Variants in TMED7 observed in about 807,000 individuals in gnomAD.
The protein encoded by TMED7 is transmembrane p24 trafficking protein 7.
A neutral mutation model predicts 23.4 loss-of-function variants in TMED7; 8 were observed. That is an observed-to-expected ratio of 0.34 (90% CI 0.20 to 0.62). The LOEUF is 0.62. Ranked by LOEUF, TMED7 falls within the 20% of genes least tolerant of loss-of-function variation. The pLI, the probability that TMED7 is intolerant of heterozygous loss-of-function variation, is 0.77. For synonymous variants in TMED7, 121 were observed against 108.5 expected (o/e 1.12, Z -0.72); for missense variants, 232 against 279.1 (o/e 0.83, Z 1.20).
In TMED7 at chr5:115,616,448, G is replaced by C; in HGVS notation, c.439-3C>G. ...ATTGAAACACAGGCAGATTCCATCTGCAGAGAAATATTTTCAGTCAGTATG... is the reference window on the plus strand; with the variant it reads ...ATTGAAACACAGGCAGATTCCATCTCCAGAGAAATATTTTCAGTCAGTATG... On this transcript the variant is annotated splice_region_variant and splice_polypyrimidine_tract_variant and intron_variant, in intron 2 of 2. Coordinates refer to ENST00000456936, the MANE Select transcript of TMED7 (RefSeq NM_181836.6). 6.2e-7 allele frequency: 1 copy of C among 1,614,120 alleles called. No individual in the cohort carries two copies. The highest frequency in any genetic ancestry group is 8.5e-7 in the Non-Finnish European group (1 of 1,179,978).
At chr5:115,618,823 T>C (rs1580454040) in intron 2 of TMED7, among the ~76,000 whole-genome samples, 1 of 152,252 alleles carries the variant, frequency 6.6e-6, no homozygotes, top group South Asian at 2.1e-4. Flanking sequence ...CTGCTGATCA[T>C]TGCCTACTCT....
Position 115,615,470 on chromosome 5 carries a change from C to T in TMED7, c.*739G>A, listed in dbSNP as rs918724939. 1.3e-5 allele frequency: 2 copies of T among 152,248 alleles called. No homozygotes were observed. Among genetic ancestry groups the T allele is most frequent in the Non-Finnish European group, 2.9e-5 (2 of 67,980 alleles). The allele number at this position is 152,248 out of a possible 1,614,324, so 9.4% of individuals were successfully genotyped here. ...TAACTCACTAAAAATTTTCCTATTT[C>T]ATTTGCCCCCATTGTAGTGTCTTAA... On this transcript the variant is annotated 3_prime_UTR_variant, in exon 3 of 3. Transcript: ENST00000456936.
At position 115,616,146 on chromosome 5, in the gene TMED7, C is replaced by G. The variant is rs890574113; in HGVS notation, c.*63G>C. 25 of 1,510,568 alleles carry G rather than the reference C, an allele frequency of 1.7e-5. No homozygotes were observed. Among genetic ancestry groups the G allele is most frequent in the Non-Finnish European group, 2.1e-5 (23 of 1,092,074 alleles). The allele number at this position is 1,510,568 out of a possible 1,614,324, so 93.6% of individuals were successfully genotyped here. A position where few individuals can be genotyped will look rare whatever the true frequency, so the allele number is the denominator to read the frequency against. On this transcript the variant is annotated 3_prime_UTR_variant, in exon 3 of 3. Coordinates refer to ENST00000456936, the MANE Select transcript of TMED7 (RefSeq NM_181836.6). ...TTGCCAATATTAAGTTCTTCAGTAC[C>G]TAAAATTAATTAGAGGACAGCAATA... is the stretch of plus-strand genomic sequence containing the variant.
At chr5:115,622,138 A>G (rs979431360) in intron 1 of TMED7, among the ~76,000 whole-genome samples, 1 of 152,192 alleles carries the variant, frequency 6.6e-6, no homozygotes, top group Admixed American at 6.5e-5. Flanking sequence ...TCATTTTGCT[A>G]TACTGAATTA....
intron 2 of TMED7, among the ~76,000 whole-genome samples, chr5:115,617,302 A>C (rs1190927764): frequency 2.6e-5 from 4 of 152,216 alleles, no homozygotes; most frequent in Non-Finnish European, 5.9e-5. Context: ...AAGAGTTTTA[A>C]AAACAAATCT....
chr5:115,616,570 C>T lies in TMED7; in HGVS notation c.439-125G>A. The T allele has an allele frequency of 2.9e-6, 4 of 1,364,246 alleles. No homozygotes were observed. The South Asian group carries it at 5.5e-5, about 19-fold the overall frequency. 84.5% of individuals were successfully genotyped at this position (1,364,246 alleles called of 1,614,324 possible). A position where few individuals can be genotyped will look rare whatever the true frequency, so the allele number is the denominator to read the frequency against. ...ACTAACATGCTACTAATCTGGCATT[C>T]ATTCATACATTTATGCCAGTTGTCT... On this transcript the variant is annotated intron_variant, in intron 2 of 2. Coordinates refer to ENST00000456936, the MANE Select transcript of TMED7 (RefSeq NM_181836.6).
In TMED7 at chr5:115,625,769, C is replaced by T. The variant is rs1043113672; in HGVS notation, c.24G>A (p.Gln8=). The T allele has an allele frequency of 6.8e-7, 1 of 1,479,898 alleles. No homozygotes were observed. Among genetic ancestry groups the T allele is most frequent in the African/African-American group, 1.5e-5 (1 of 68,026 alleles). 91.7% of individuals were successfully genotyped at this position (1,479,898 alleles called of 1,614,324 possible). A position where few individuals can be genotyped will look rare whatever the true frequency, so the allele number is the denominator to read the frequency against. The change falls in exon 1 of 3, where the codon CAG becomes CAA. Residue 8 remains glutamine (Q), a synonymous_variant. Transcript: ENST00000456936. MPRPGSA[Q]RWAAVAGRWG... Reference sequence around the variant, plus strand: ...AACGGCCCGCGACGGCCGCCCAGCGCTGCGCGGACCCCGGCCGCGGCATCC... The same window carrying T: ...AACGGCCCGCGACGGCCGCCCAGCGTTGCGCGGACCCCGGCCGCGGCATCC...
Position 115,620,650 on chromosome 5 carries a change from A to C in TMED7, c.223T>G (p.Cys75Gly). ...VITGGHYDVD[C>G]RLEDPDGKVL... ...TTACCATCAGGATCTTCTAATCGAC[A>C]ATCTACATCATAGTGACCACCAGTA... Residue 75 changes from cysteine (C) to glycine (G), a missense_variant, in exon 2 of 3, where the codon TGT becomes GGT. Around this residue, in one of 2 missense-constraint regions of TMED7, gnomAD observed 126 missense variants for 182.1 expected, o/e 0.69. Coordinates refer to ENST00000456936, the MANE Select transcript of TMED7 (RefSeq NM_181836.6). 1.9e-6 allele frequency: 3 copies of C among 1,564,734 alleles called. No individual in the cohort carries two copies. The highest frequency in any genetic ancestry group is 2.4e-5 in the South Asian group (2 of 82,742).
Position 115,620,420 on chromosome 5 carries a change from GA to G in TMED7, c.438+14del, listed in dbSNP as rs990012225. ...TTAAATATACCAACATTATATTGCT[GA>G]TTTTTTTATTTACCTGGGTAAGAGC... On this transcript the variant is annotated intron_variant, in intron 2 of 2. Coordinates refer to ENST00000456936, the MANE Select transcript of TMED7 (RefSeq NM_181836.6). 1.4e-6 allele frequency: 2 copies of G among 1,476,448 alleles called. No homozygotes were observed. The highest frequency in any genetic ancestry group is 2.9e-5 in the African/African-American group (2 of 69,530). 91.5% of individuals were successfully genotyped at this position (1,476,448 alleles called of 1,614,324 possible). A position where few individuals can be genotyped will look rare whatever the true frequency, so the allele number is the denominator to read the frequency against.
chr5:115,618,714 T>A (rs1285078486), intron 2 of TMED7, among the ~76,000 whole-genome samples: 1 of 152,156 alleles, frequency 6.6e-6, no homozygotes, highest in African/African-American at 2.4e-5. Flanking sequence ...ATAAGGCACA[T>A]AATGTCTAGT....
intron 2 of TMED7, among the ~76,000 whole-genome samples, chr5:115,617,632 T>C (rs1431290699): frequency 6.6e-6 from 1 of 152,216 alleles, no homozygotes; most frequent in East Asian, 1.9e-4. Flanking sequence ...AAATGGCATA[T>C]TGCCCAAGGA....
At chr5:115,622,241 A>C (rs1392163313) in intron 1 of TMED7, among the ~76,000 whole-genome samples, 7 of 152,176 alleles carry the variant, frequency 4.6e-5, no homozygotes, top group African/African-American at 1.7e-4. Context: ...CTCTTCCATC[A>C]AACTTAAAAC....
At chr5:115,625,429 T>G (rs1757166275) in intron 1 of TMED7, among the ~76,000 whole-genome samples, 172 bp downstream of exon 1, 1 of 152,230 alleles carries the variant, frequency 6.6e-6, no homozygotes, top group African/African-American at 2.4e-5. Context: ...TTAACATCTC[T>G]CACCCAAGGT....
rs1757196959 is a variant in TMED7, at chr5:115,625,836, G to A, written c.-44C>T. On this transcript the variant is annotated 5_prime_UTR_variant, in exon 1 of 3. Coordinates refer to ENST00000456936, the MANE Select transcript of TMED7 (RefSeq NM_181836.6). Reference sequence around the variant, plus strand: ...GCCTCAACCGAGCTGCGAGACGCAGGGTCAGGTCTGCGCGGACTCACCGCG... The same window carrying A: ...GCCTCAACCGAGCTGCGAGACGCAGAGTCAGGTCTGCGCGGACTCACCGCG... 3 of 1,374,448 alleles carry A rather than the reference G, an allele frequency of 2.2e-6. No individual in the cohort carries two copies. The highest frequency in any genetic ancestry group is 1.9e-6 in the Non-Finnish European group (2 of 1,071,954). 85.1% of individuals were successfully genotyped at this position (1,374,448 alleles called of 1,614,324 possible). A position where few individuals can be genotyped will look rare whatever the true frequency, so the allele number is the denominator to read the frequency against.
intron 1 of TMED7, among the ~76,000 whole-genome samples, chr5:115,624,889 T>G (rs1189045882): frequency 6.6e-6 from 1 of 152,226 alleles, no homozygotes; most frequent in Non-Finnish European, 1.5e-5. Context: ...GAGAGGGGAA[T>G]CATGAATGAT....
At position 115,621,410 on chromosome 5, in the gene TMED7, GATTA is replaced by G. The variant is rs201748938; in HGVS notation, c.193-734_193-731del. 3.0e-4 allele frequency among the ~76,000 whole-genome samples: 45 copies of G among 152,210 alleles called. No individual in the cohort carries two copies. In the East Asian group the frequency reaches 7.5e-3, roughly 25 times the overall value. On this transcript the variant is annotated intron_variant, in intron 1 of 2. Coordinates refer to ENST00000456936, the MANE Select transcript of TMED7 (RefSeq NM_181836.6). ...TTGTTTTGAGGAGAGACACGTAACT[GATTA>G]AATAAAATATTGTTGAAACTCTTGT...
At chr5:115,622,556 A>G (rs909987696) in intron 1 of TMED7, among the ~76,000 whole-genome samples, 3 of 152,310 alleles carry the variant, frequency 2.0e-5, no homozygotes, top group African/African-American at 7.2e-5. Flanking sequence ...GGTCCTGTGC[A>G]CTGTGACACG....
At chr5:115,616,935 C>T (rs1218495225) in intron 2 of TMED7, among the ~76,000 whole-genome samples, 1 of 152,042 alleles carries the variant, frequency 6.6e-6, no homozygotes, top group Non-Finnish European at 1.5e-5. Context: ...AAAACAGCCA[C>T]AACATCAAAA....
chr5:115,615,250 C>T lies in TMED7; in HGVS notation c.*959G>A, dbSNP rs368835218. 2.0e-4 allele frequency: 30 copies of T among 152,660 alleles called. No homozygotes were observed. In the East Asian group the frequency reaches 3.7e-3, roughly 19 times the overall value. The allele number at this position is 152,660 out of a possible 1,614,324, so 9.5% of individuals were successfully genotyped here. A position where few individuals can be genotyped will look rare whatever the true frequency, so the allele number is the denominator to read the frequency against. On this transcript the variant is annotated 3_prime_UTR_variant, in exon 3 of 3. Transcript: ENST00000456936. ...GAAAAAAGGAGAGCAACTAACTTTT[C>T]AGTGCATCACATCCATGAGGATAAA...
Sources: allele counts gnomAD v4.1 joint callset (sites outside exome capture counted in the v4.1 genomes callset), GRCh38; gene constraint gnomAD v4.1.1; regional missense constraint gnomAD v4.1.1; transcripts MANE v1.5; gene names NCBI Gene and HGNC (gene_info 2026-07-23, HGNC 2026-07-21).